The following TMEM8B variants were observed in gnomAD, a reference collection of about 807,000 sequenced individuals.
TMEM8B encodes the protein transmembrane protein 8B, also known as nasopharyngeal carcinoma expressed 6.
A neutral mutation model predicts 49.3 loss-of-function variants in TMEM8B; 29 were observed. The ratio of observed to expected loss-of-function variants is 0.59; its 90% CI spans 0.44 to 0.80. The LOEUF (loss-of-function observed/expected upper bound fraction) is 0.80. Among genes scored for constraint, TMEM8B ranks in the 30% least tolerant of loss-of-function variants. The probability of loss-of-function intolerance (pLI) is 0.00; values close to 1 mark genes in which losing one functional copy is unlikely to be tolerated. For synonymous variants in TMEM8B, 264 were observed against 272.8 expected, an observed-to-expected ratio of 0.97 and a Z score of 0.32; for missense variants, 575 against 658.5, an observed-to-expected ratio of 0.87 and a Z score of 1.39.
At chr9:35,834,720 T>C (rs1048839419) in intron 2 of TMEM8B, 70 bp downstream of exon 2, 15 of 414,678 alleles carry the variant, frequency 3.6e-5, no homozygotes, top group Admixed American at 1.8e-4. Context: ...AAGTGTGACT[T>C]TAACTGACCT....
At chr9:35,851,888 C>T (rs1291563307) in intron 10 of TMEM8B, among the ~76,000 whole-genome samples, 1 of 152,156 alleles carries the variant, frequency 6.6e-6, no homozygotes, top group Non-Finnish European at 1.5e-5. Context: ...GAAACATTAG[C>T]GATTTCTTTT....
At position 35,861,525 on chromosome 9, in the gene TMEM8B, C is replaced by T. The variant is rs945531484; in HGVS notation, c.*7685C>T. The T allele has an allele frequency of 2.0e-5, 3 of 152,524 alleles. No homozygotes were observed. Among genetic ancestry groups the T allele is most frequent in the Non-Finnish European group, 4.4e-5 (3 of 68,130 alleles). 9.4% of individuals were successfully genotyped at this position (152,524 alleles called of 1,614,324 possible). A position where few individuals can be genotyped will look rare whatever the true frequency, so the allele number is the denominator to read the frequency against. ...CACCTTAAGAGCAGGACTCTGCCTC[C>T]TTCCTACCAGCACCTCATGCAGCAA... On this transcript the variant is annotated 3_prime_UTR_variant, in exon 13 of 13. Transcript: ENST00000643932.
At position 35,841,591 on chromosome 9, in the gene TMEM8B, T is replaced by C. The variant is rs920339635; in HGVS notation, c.1106T>C (p.Val369Ala). 4 of 416,476 alleles carry C rather than the reference T, an allele frequency of 9.6e-6. No homozygotes were observed. The highest frequency in any genetic ancestry group is 4.4e-5 in the Admixed American group (1 of 22,716). The allele number at this position is 416,476 out of a possible 1,614,324, so 25.8% of individuals were successfully genotyped here. A position where few individuals can be genotyped will look rare whatever the true frequency, so the allele number is the denominator to read the frequency against. Reference protein sequence around the residue: ...AQLVCVGGRGVSACPLSLRLR... With the variant: ...AQLVCVGGRGASACPLSLRLR... ...CTGGTGTGTGTGGGGGGCCGTGGGGTATCTGCCTGCCCCCTGTCACTGCGT... is the reference window on the plus strand; with the variant it reads ...CTGGTGTGTGTGGGGGGCCGTGGGGCATCTGCCTGCCCCCTGTCACTGCGT... The change falls in exon 5 of 13, where the codon GTA becomes GCA. Residue 369 changes from valine to alanine, a missense_variant. Coordinates refer to ENST00000643932, the MANE Select transcript of TMEM8B (RefSeq NM_001042590.4). This position sits in a 1 kb window ranked among gnomAD's most constrained non-coding sequence, Gnocchi z 5.9.
chr9:35,841,576 T>TG lies in TMEM8B; in HGVS notation c.1097dup (p.Arg367ProfsTer59), dbSNP rs1244486562. 4.8e-6 allele frequency: 2 copies of TG among 416,564 alleles called. No homozygotes were observed. Among genetic ancestry groups the TG allele is most frequent in the Non-Finnish European group, 8.8e-6 (2 of 227,012 alleles). 25.8% of individuals were successfully genotyped at this position (416,564 alleles called of 1,614,324 possible). ...AGGGTTTCAGCACAGCTGGTGTGTGTGGGGGGCCGTGGGGTATCTGCCTGC... is the reference window on the plus strand; with the variant it reads ...AGGGTTTCAGCACAGCTGGTGTGTGTGGGGGGGCCGTGGGGTATCTGCCTGC... On this transcript the variant is annotated frameshift_variant, in exon 5 of 13. Transcript: ENST00000643932. LOFTEE classifies it high-confidence loss of function. The surrounding 1 kb of genome is among the most constrained non-coding windows in gnomAD (Gnocchi z 5.9).
chr9:35,832,892 C>T (rs1830053847), intron 1 of TMEM8B, among the ~76,000 whole-genome samples: 1 of 152,190 alleles, frequency 6.6e-6, no homozygotes, highest in Admixed American at 6.5e-5. Flanking sequence ...CTTTATCCCT[C>T]TCGGCTGCAT....
chr9:35,832,170 T>G (rs542832449), intron 1 of TMEM8B, among the ~76,000 whole-genome samples: 23 of 85,414 alleles, frequency 2.7e-4, no homozygotes, highest in African/African-American at 6.7e-4. Flanking sequence ...GGTGTAGGGG[T>G]GTGTGTGTGT....
Position 35,841,872 on chromosome 9 carries a change from C to T in TMEM8B, c.1309+78C>T. On this transcript the variant is annotated intron_variant, in intron 5 of 12. Coordinates refer to ENST00000643932, the MANE Select transcript of TMEM8B (RefSeq NM_001042590.4). The surrounding 1 kb of genome is among the most constrained non-coding windows in gnomAD (Gnocchi z 5.9). ...TGACTTGGGTGGCTGTGTTCAGTGG[C>T]CCTCTGCCATATCCCTACAACCTCC... The T allele has an allele frequency of 2.4e-6, 1 of 414,472 alleles. No individual in the cohort carries two copies. The highest frequency in any genetic ancestry group is 4.4e-6 in the Non-Finnish European group (1 of 226,240). 25.7% of individuals were successfully genotyped at this position (414,472 alleles called of 1,614,324 possible).
At position 35,836,979 on chromosome 9, in the gene TMEM8B, C is replaced by G. The variant is rs1246498866; in HGVS notation, c.906+1761C>G. ...TTAACTTCTGTAGTCTTATATGGTC[C>G]TCAAAGGGTTCTTCAGCTCTCCAGA... On this transcript the variant is annotated intron_variant, in intron 3 of 12. Transcript: ENST00000643932. 5.3e-5 allele frequency among the ~76,000 whole-genome samples: 8 copies of G among 152,176 alleles called. No homozygotes were observed. The South Asian group carries it at 1.7e-3, about 32-fold the overall frequency.
At chr9:35,839,949 G>A (rs1830809199) in intron 3 of TMEM8B, among the ~76,000 whole-genome samples, 2 of 152,218 alleles carry the variant, frequency 1.3e-5, no homozygotes, top group Admixed American at 1.3e-4. Context: ...GAGCTTTGCT[G>A]GAAGTCAGTG....
At chr9:35,845,277 C>A in intron 6 of TMEM8B, 1 of 512,368 alleles carries the variant, frequency 2.0e-6, no homozygotes, top group Non-Finnish European at 2.5e-6. Flanking sequence ...ATATGGCCTA[C>A]CTTAGGGACA....
At position 35,858,856 on chromosome 9, in the gene TMEM8B, T is replaced by C. The variant is rs1040490569; in HGVS notation, c.*5016T>C. 3 of 152,294 alleles carry C rather than the reference T, an allele frequency of 2.0e-5. No individual in the cohort carries two copies. The highest frequency in any genetic ancestry group is 7.2e-5 in the African/African-American group (3 of 41,468). The allele number at this position is 152,294 out of a possible 1,614,324, so 9.4% of individuals were successfully genotyped here. ...GACCAGCAGTGTTCCCAATGGTAGCTGTTTTGTCATCCTGAGTCCCAGAGG... is the reference window on the plus strand; with the variant it reads ...GACCAGCAGTGTTCCCAATGGTAGCCGTTTTGTCATCCTGAGTCCCAGAGG... On this transcript the variant is annotated 3_prime_UTR_variant, in exon 13 of 13. Coordinates refer to ENST00000643932, the MANE Select transcript of TMEM8B (RefSeq NM_001042590.4).
At chr9:35,850,617 A>G (rs1037751235) in intron 10 of TMEM8B, among the ~76,000 whole-genome samples, 2 of 152,068 alleles carry the variant, frequency 1.3e-5, no homozygotes, top group African/African-American at 4.8e-5. Context: ...AATCCTCTCC[A>G]CTCTAGAGAT....
At position 35,846,367 on chromosome 9, in the gene TMEM8B, C is replaced by A. The variant is rs1831559104; in HGVS notation, c.1839C>A (p.Cys613Ter). ...GTWFLALRSL[C>*]GVGPRFVRCR... ...GGTTCCTGGCCCTCCGCTCCCTGTG[C>A]GGGGTGGGGCCTCGGTGAGCGGTGC... Residue 613 changes from cysteine to a stop codon, truncating the protein, a stop_gained, in exon 8 of 13, where the codon TGC becomes TGA. Coordinates refer to ENST00000643932, the MANE Select transcript of TMEM8B (RefSeq NM_001042590.4). LOFTEE classifies it high-confidence loss of function. 1 of 1,613,028 alleles carries A rather than the reference C, an allele frequency of 6.2e-7. No homozygotes were observed. The highest frequency in any genetic ancestry group is 1.7e-5 in the Admixed American group (1 of 59,986).
In TMEM8B at chr9:35,834,621, G is replaced by A. The variant is rs1259455987; in HGVS notation, c.669G>A (p.Gly223=). 1 of 415,890 alleles carries A rather than the reference G, an allele frequency of 2.4e-6. No individual in the cohort carries two copies. Among genetic ancestry groups the A allele is most frequent in the South Asian group, 1.3e-4 (1 of 7,956 alleles). The allele number at this position is 415,890 out of a possible 1,614,324, so 25.8% of individuals were successfully genotyped here. ...TCAAGGAGCAAGGGGGAACTTTTGG[G>A]GACCACTGCCCAGACCAAAGTGTGA... ...IIFKEQGGTF[G]DHCPDQSVTV... is the part of the protein sequence containing the mutation. Residue 223 remains glycine (G), a synonymous_variant, in exon 2 of 13, where the codon GGG becomes GGA. Coordinates refer to ENST00000643932, the MANE Select transcript of TMEM8B (RefSeq NM_001042590.4).
In TMEM8B at chr9:35,834,499, C is replaced by T. The variant is rs575439045; in HGVS notation, c.547C>T (p.Arg183Cys). The T allele has an allele frequency of 7.2e-6, 3 of 416,604 alleles. No individual in the cohort carries two copies. Among genetic ancestry groups the T allele is most frequent in the East Asian group, 3.6e-5 (1 of 28,086 alleles). The allele number at this position is 416,604 out of a possible 1,614,324, so 25.8% of individuals were successfully genotyped here. The change falls in exon 2 of 13, where the codon CGC (arginine) becomes TGC (cysteine). Residue 183 changes from arginine (R) to cysteine (C), a missense_variant. Coordinates refer to ENST00000643932, the MANE Select transcript of TMEM8B (RefSeq NM_001042590.4). ...GACTGATTACTCCACCTGCTCACCC[C>T]GCAAGCTGAGTCCTTTCCGCTCCTT... Reference protein sequence around the residue: ...FLTDYSTCSPRKLSPFRSFAS... With the variant: ...FLTDYSTCSPCKLSPFRSFAS...
rs1237973010 is a variant in TMEM8B at position 35,864,661 on chromosome 9, A to G, written c.*10821A>G. 6.6e-6 allele frequency: 1 copy of G among 152,214 alleles called. No homozygotes were observed. The highest frequency in any genetic ancestry group is 2.4e-5 in the African/African-American group (1 of 41,446). The allele number at this position is 152,214 out of a possible 1,614,324, so 9.4% of individuals were successfully genotyped here. On this transcript the variant is annotated 3_prime_UTR_variant, in exon 13 of 13. Transcript: ENST00000643932. ...AAATAGTCAGTGAGCAGTAGATGAT[A>G]TTATTACCATCCTGTCCCTATCCCT...
chr9:35,850,949 C>T (rs1400977978), intron 10 of TMEM8B, among the ~76,000 whole-genome samples: 1 of 151,994 alleles, frequency 6.6e-6, no homozygotes, highest in Admixed American at 6.6e-5. Flanking sequence ...TATGTCTGGT[C>T]TTGGAGGCAA....
chr9:35,846,825 G>A lies in TMEM8B; in HGVS notation c.2005G>A (p.Gly669Ser). The change falls in exon 10 of 13, where the codon GGC becomes AGC. Residue 669 changes from glycine to serine, a missense_variant. Transcript: ENST00000643932. ...AACECKAGWR[G>S]WGCTDSADAL... ...GCCTTCCCCACCCGCAGGGTGGAGA[G>A]GCTGGGGCTGCACCGACAGTGCAGA... 3.7e-6 allele frequency: 6 copies of A among 1,613,082 alleles called. No individual in the cohort carries two copies. Among genetic ancestry groups the A allele is most frequent in the Non-Finnish European group, 5.1e-6 (6 of 1,179,440 alleles).
In TMEM8B at chr9:35,842,796, C is replaced by T; in HGVS notation, c.1635+79C>T. 1.4e-6 allele frequency: 2 copies of T among 1,440,602 alleles called. No homozygotes were observed. Among genetic ancestry groups the T allele is most frequent in the Non-Finnish European group, 1.8e-6 (2 of 1,081,646 alleles). 89.2% of individuals were successfully genotyped at this position (1,440,602 alleles called of 1,614,324 possible). On this transcript the variant is annotated intron_variant, in intron 6 of 12. Coordinates refer to ENST00000643932, the MANE Select transcript of TMEM8B (RefSeq NM_001042590.4). This position sits in a 1 kb window ranked among gnomAD's most constrained non-coding sequence, Gnocchi z 5.6. ...GGTGTCAGGGGTGTTGGGGTGTTTACCTCCTCCAGGAAGCCTGTCCAGGTT... is the reference window on the plus strand; with the variant it reads ...GGTGTCAGGGGTGTTGGGGTGTTTATCTCCTCCAGGAAGCCTGTCCAGGTT...
Sources: gnomAD v4.1 joint callset for allele counts (sites outside exome capture counted in the v4.1 genomes callset) on GRCh38, gnomAD v4.1.1 for gene constraint, Gnocchi (gnomAD v3.1) non-coding constraint, MANE v1.5 for transcripts, NCBI Gene and HGNC (gene_info 2026-07-23, HGNC 2026-07-21) for gene names.